The following QPCT variants were observed in gnomAD, a reference collection of about 807,000 sequenced individuals.
QPCT encodes the protein EC.
QPCT carries 44 observed loss-of-function variants against 43.4 expected under a neutral mutation model. That is an observed-to-expected ratio of 1.01 (90% CI 0.80 to 1.30). The LOEUF (loss-of-function observed/expected upper bound fraction) is 1.30. Ranked by LOEUF, QPCT falls within the 50% of genes most tolerant of loss-of-function variation. The pLI, the probability that QPCT is intolerant of heterozygous loss-of-function variation, is 0.00. For synonymous variants in QPCT, 168 were observed against 168.4 expected (o/e 1.00, Z 0.02); for missense variants, 526 against 436.5 (o/e 1.21, Z -1.83).
At chr2:37,352,622 G>A (rs904534213) in intron 1 of QPCT, among the ~76,000 whole-genome samples, 167 bp from the exon 2 acceptor site, 12 of 152,142 alleles carry the variant, frequency 7.9e-5, no homozygotes, top group African/African-American at 1.7e-4. Context: ...TTGAGCCACC[G>A]TGCCCAGCCC....
intron 1 of QPCT, among the ~76,000 whole-genome samples, chr2:37,350,156 G>C (rs1672589788): frequency 6.6e-6 from 1 of 152,198 alleles, no homozygotes; most frequent in Non-Finnish European, 1.5e-5. Context: ...TTGTAAGGCA[G>C]AAAGCACCGC....
rs1558599489 is a variant in QPCT at position 37,347,196 on chromosome 2, T to TATATATAAC, written c.120+2352_120+2353insACATATATA. Reference sequence around the variant, plus strand: ...ATATATATAACATATATATATAACATATATATATAACATATATATAACATA... The same window carrying TATATATAAC: ...ATATATATAACATATATATATAACATATATATAACATATATATAACATATATATAACATA... On this transcript the variant is annotated intron_variant, in intron 1 of 6. Coordinates refer to ENST00000338415, the MANE Select transcript of QPCT (RefSeq NM_012413.4). 3.9e-3 allele frequency among the ~76,000 whole-genome samples: 244 copies of TATATATAAC among 62,566 alleles called. 3 individuals carry two copies. In the East Asian group the frequency reaches 0.043, roughly 11 times the overall value. 41.0% of individuals were successfully genotyped at this position (62,566 alleles called of 152,430 possible).
At position 37,367,356 on chromosome 2, in the gene QPCT, C is replaced by T. The variant is rs762891607; in HGVS notation, c.671C>T (p.Ala224Val). ...YGSRHLAAKM[A>V]STPHPPGARG... is the part of the protein sequence containing the mutation. ...TCTCGACACTTAGCTGCAAAGATGG[C>T]ATCGACCCCGCACCCACCTGGAGCG... The change falls in exon 4 of 7, where the codon GCA becomes GTA. Residue 224 changes from alanine (A) to valine (V), a missense_variant. By Grantham distance (64) the Ala-to-Val change is moderately conservative. Transcript: ENST00000338415. 7 of 1,614,008 alleles carry T rather than the reference C, an allele frequency of 4.3e-6. No individual in the cohort carries two copies. In the South Asian group the frequency reaches 5.5e-5, roughly 13 times the overall value.
At chr2:37,356,633 A>C (rs1365069985) in intron 2 of QPCT, among the ~76,000 whole-genome samples, 3 of 152,220 alleles carry the variant, frequency 2.0e-5, no homozygotes, top group African/African-American at 7.2e-5. Context: ...TGAACTAATT[A>C]GATTATGCAG....
chr2:37,349,446 G>T (rs1672574276), intron 1 of QPCT, among the ~76,000 whole-genome samples: 1 of 152,098 alleles, frequency 6.6e-6, no homozygotes, highest in South Asian at 2.1e-4. Context: ...TTTTGTTCCT[G>T]TTTTTTCTTA....
intron 1 of QPCT, among the ~76,000 whole-genome samples, chr2:37,348,447 G>C (rs1672554062): frequency 6.6e-6 from 1 of 152,174 alleles, no homozygotes; most frequent in South Asian, 2.1e-4. Context: ...CACACAGAAG[G>C]AGTTCAGTAA....
In QPCT at chr2:37,360,077, A is replaced by C. The variant is rs1468730187; in HGVS notation, c.546+219A>C. The C allele has an allele frequency of 1.4e-5, 8 of 557,460 alleles. No individual in the cohort carries two copies. In the East Asian group the frequency reaches 2.4e-4, roughly 17 times the overall value. The allele number at this position is 557,460 out of a possible 1,614,324, so 34.5% of individuals were successfully genotyped here. The stretch of plus-strand genomic sequence containing the variant: ...CAATGCATTCATTAATTGGCACCTG[A>C]TTTATCAGCCTTGAATGCACATTAA... On this transcript the variant is annotated intron_variant, in intron 3 of 6. Transcript: ENST00000338415.
chr2:37,347,868 A>G (rs1400994908), intron 1 of QPCT, among the ~76,000 whole-genome samples: 3 of 152,226 alleles, frequency 2.0e-5, no homozygotes, highest in African/African-American at 4.8e-5. Flanking sequence ...TAGTTTCGAT[A>G]AACTAAAAAG....
chr2:37,359,265 G>GTATCTT (rs1655962007), intron 2 of QPCT, among the ~76,000 whole-genome samples: 1 of 152,140 alleles, frequency 6.6e-6, no homozygotes, highest in African/African-American at 2.4e-5. Context: ...GTTTGCATAA[G>GTATCTT]CAAGGAGAAG....
Position 37,372,712 on chromosome 2 carries a change from CT to C in QPCT, c.974del (p.Phe325SerfsTer23). 6.2e-7 allele frequency: 1 copy of C among 1,613,660 alleles called. No homozygotes were observed. Among genetic ancestry groups the C allele is most frequent in the East Asian group, 2.2e-5 (1 of 44,880 alleles). On this transcript the variant is annotated frameshift_variant, in exon 7 of 7. Coordinates refer to ENST00000338415, the MANE Select transcript of QPCT (RefSeq NM_012413.4). LOFTEE classifies it high-confidence loss of function. ...GVPVLHLIPSPFPEVWHTMDD... is the reference protein window; with the variant it reads ...GVPVLHLIPSXFPEVWHTMDD... ...CCAGTTCTGCATCTGATACCGTCTCCTTTCCCTGAAGTCTGGCACACCATGG... is the reference window on the plus strand; with the variant it reads ...CCAGTTCTGCATCTGATACCGTCTCCTTCCCTGAAGTCTGGCACACCATGG...
intron 1 of QPCT, among the ~76,000 whole-genome samples, chr2:37,347,150 A>ATATATATATATATATATATATATAT: frequency 1.6e-5 from 1 of 62,846 alleles, no homozygotes; most frequent in African/African-American, 8.3e-5. Flanking sequence ...TGTTTTATAT[A>ATATATATATATATATATATATATAT]TATATATATA....
At chr2:37,351,620 G>A (rs1191064836) in intron 1 of QPCT, among the ~76,000 whole-genome samples, 3 of 152,158 alleles carry the variant, frequency 2.0e-5, no homozygotes, top group Non-Finnish European at 4.4e-5. Context: ...GGTGGCTCAT[G>A]CCTGTAATCC....
At chr2:37,357,169 A>G (rs904167806) in intron 2 of QPCT, among the ~76,000 whole-genome samples, 1 of 152,166 alleles carries the variant, frequency 6.6e-6, no homozygotes, top group Non-Finnish European at 1.5e-5. Flanking sequence ...GCTAACAGAT[A>G]TATTTTTTAA....
intron 2 of QPCT, among the ~76,000 whole-genome samples, chr2:37,354,114 T>G (rs897222466): frequency 5.3e-5 from 8 of 152,216 alleles, no homozygotes; most frequent in Admixed American, 3.9e-4. Context: ...TCCGCCCGCC[T>G]CGGCCTCCCG....
chr2:37,368,908 C>G (rs1385806156), intron 4 of QPCT, among the ~76,000 whole-genome samples: 1 of 152,066 alleles, frequency 6.6e-6, no homozygotes, highest in Non-Finnish European at 1.5e-5. Context: ...TTCAAAGAAG[C>G]CTATTTTTTC....
intron 1 of QPCT, among the ~76,000 whole-genome samples, chr2:37,350,276 T>A (rs929227870): frequency 6.6e-6 from 1 of 152,192 alleles, no homozygotes. Flanking sequence ...CAGACAGGCT[T>A]CTGTTGGCAG....
At chr2:37,365,840 A>G (rs1672948295) in intron 3 of QPCT, among the ~76,000 whole-genome samples, 2 of 152,192 alleles carry the variant, frequency 1.3e-5, no homozygotes, top group Admixed American at 6.5e-5. Flanking sequence ...TGCCAGAGTG[A>G]CTGAACTAAG....
At chr2:37,353,055 C>A in intron 2 of QPCT, 120 bp downstream of exon 2, 1 of 1,197,470 alleles carries the variant, frequency 8.4e-7, no homozygotes, top group Non-Finnish European at 1.1e-6. Flanking sequence ...CCTCATTCAC[C>A]AAATAGTCAA....
chr2:37,364,495 CCA>C (rs1404940824), intron 3 of QPCT, among the ~76,000 whole-genome samples: 1 of 152,190 alleles, frequency 6.6e-6, no homozygotes, highest in Admixed American at 6.5e-5. Flanking sequence ...GAACGCTTGA[CCA>C]CATAATGGTG....
Sources: allele counts gnomAD v4.1 joint callset (sites outside exome capture counted in the v4.1 genomes callset), GRCh38; gene constraint gnomAD v4.1.1; transcripts MANE v1.5; gene names NCBI Gene and HGNC (gene_info 2026-07-23, HGNC 2026-07-21).